Variants in ERC1 observed in about 807,000 individuals in gnomAD.
The protein encoded by ERC1 is RAB6 interacting protein 2.
A neutral mutation model predicts 132.0 loss-of-function variants in ERC1; 56 were observed. The observed-to-expected ratio is 0.42, with a 90% CI of 0.34 to 0.53. The LOEUF (loss-of-function observed/expected upper bound fraction) is 0.53. Ranked by LOEUF, ERC1 falls within the 20% of genes least tolerant of loss-of-function variation. The probability of loss-of-function intolerance (pLI) is 0.03; values close to 1 mark genes in which losing one functional copy is unlikely to be tolerated. For missense variants in ERC1, 1,202 were observed against 1,349.9 expected (o/e 0.89, Z 1.72); for synonymous variants, 478 against 476.1 (o/e 1.00, Z -0.05).
At chr12:1,236,629 A>G in intron 12 of ERC1, 140 bp from the exon 13 acceptor site, 1 of 764,632 alleles carries the variant, frequency 1.3e-6, no homozygotes, top group Non-Finnish European at 2.0e-6. Context: ...CGAATTTGGA[A>G]TTGTTGAAAA....
At chr12:1,250,091 C>T (rs1045295113) in intron 13 of ERC1, among the ~76,000 whole-genome samples, 2 of 152,122 alleles carry the variant, frequency 1.3e-5, no homozygotes, top group Non-Finnish European at 1.5e-5. Flanking sequence ...TTTGGAGCCT[C>T]CTATTAAAGC....
chr12:1,238,979 C>T (rs566522180), intron 13 of ERC1, among the ~76,000 whole-genome samples: 1 of 152,248 alleles, frequency 6.6e-6, no homozygotes, highest in East Asian at 1.9e-4. Context: ...TGGCCATGTG[C>T]AAATTACACA....
chr12:1,322,415 C>G (rs990984222), intron 15 of ERC1, among the ~76,000 whole-genome samples: 5 of 152,078 alleles, frequency 3.3e-5, no homozygotes, highest in Non-Finnish European at 7.4e-5. Flanking sequence ...TTGATTACAG[C>G]TAGATTCTTT....
At chr12:1,024,690 CAGAG>C (rs1380984347) in intron 1 of ERC1, among the ~76,000 whole-genome samples, 1 of 151,580 alleles carries the variant, frequency 6.6e-6, no homozygotes, top group African/African-American at 2.4e-5. Context: ...GCTAGGAAAT[CAGAG>C]AGATCTAGTT....
chr12:1,182,266 G>T (rs1313721164), intron 10 of ERC1, among the ~76,000 whole-genome samples: 2 of 152,172 alleles, frequency 1.3e-5, no homozygotes, highest in African/African-American at 2.4e-5. Flanking sequence ...CATTTTCTAA[G>T]TATTACTCAC....
At chr12:1,230,562 A>G (rs1198605619) in intron 12 of ERC1, among the ~76,000 whole-genome samples, 1 of 152,078 alleles carries the variant, frequency 6.6e-6, no homozygotes, top group Non-Finnish European at 1.5e-5. Flanking sequence ...CTGCTGTTGG[A>G]TGGATGTTTC....
At chr12:1,171,252 T>TTA (rs528883016) in intron 8 of ERC1, among the ~76,000 whole-genome samples, 1 of 152,164 alleles carries the variant, frequency 6.6e-6, no homozygotes, top group South Asian at 2.1e-4. Flanking sequence ...ATTTAAAACA[T>TTA]TGCTTAGAGT....
At chr12:1,458,718 A>T (rs554360349) in intron 18 of ERC1, among the ~76,000 whole-genome samples, 1 of 152,088 alleles carries the variant, frequency 6.6e-6, no homozygotes, top group Non-Finnish European at 1.5e-5. Context: ...TTGTATTTTT[A>T]GTAGAGACAG....
At chr12:1,003,096 C>CAAAAAAAAAAAAAAAAAAAAAAAAAAA (rs59507923) in intron 1 of ERC1, among the ~76,000 whole-genome samples, 2 of 86,922 alleles carry the variant, frequency 2.3e-5, no homozygotes, top group Admixed American at 1.5e-4. Flanking sequence ...ATGAAAAATG[C>CAAAAAAAAAAAAAAAAAAAAAAAAAAA]AAAAAAAAAA....
chr12:1,363,905 A>G (rs1000345857), intron 15 of ERC1, among the ~76,000 whole-genome samples: 1 of 152,074 alleles, frequency 6.6e-6, no homozygotes, highest in African/African-American at 2.4e-5. Flanking sequence ...GTTTCAGGAG[A>G]TAGAGAAACA....
chr12:1,126,293 G>T (rs1476838351), intron 7 of ERC1, among the ~76,000 whole-genome samples: 1 of 152,148 alleles, frequency 6.6e-6, no homozygotes, highest in Non-Finnish European at 1.5e-5. Flanking sequence ...CCTCAGAACA[G>T]TGCGGTAACT....
rs1453938675 is a variant in ERC1, at chr12:1,183,270, CCTT to C, written c.2017-7_2017-5del. ...AAATTATTTATTCTAGATGTGTGTT[CCTT>C]CTTTTAGGCTTCACTTTTGGATCTG... On this transcript the variant is annotated splice_polypyrimidine_tract_variant and splice_region_variant and intron_variant, in intron 10 of 18. Transcript: ENST00000360905. 2 of 1,518,964 alleles carry C rather than the reference CCTT, an allele frequency of 1.3e-6. No individual in the cohort carries two copies. The highest frequency in any genetic ancestry group is 1.8e-4 in the Middle Eastern group (1 of 5,650). The allele number at this position is 1,518,964 out of a possible 1,614,324, so 94.1% of individuals were successfully genotyped here.
chr12:1,084,482 G>C lies in ERC1; in HGVS notation c.1086+902G>C, dbSNP rs542592385. Among the ~76,000 whole-genome samples, 181 of 152,152 alleles carry C rather than the reference G, an allele frequency of 1.2e-3. 2 individuals are homozygous for C. Among genetic ancestry groups the C allele is most frequent in the African/African-American group, 4.2e-3 (173 of 41,508 alleles). ...TCTATAATTTTTCCTTTTGTAAAAA[G>C]TCTGAAATCTTTTTTAACAGTGAGG... On this transcript the variant is annotated intron_variant, in intron 3 of 18. Coordinates refer to ENST00000360905, the MANE Select transcript of ERC1 (RefSeq NM_178040.4).
intron 18 of ERC1, among the ~76,000 whole-genome samples, chr12:1,447,544 CAAAAAA>C (rs374201728): frequency 7.7e-6 from 1 of 129,544 alleles, no homozygotes; most frequent in African/African-American, 3.0e-5. Flanking sequence ...ACAACAACAA[CAAAAAA>C]AAAAAAACCC....
chr12:1,454,721 C>T (rs2093494096), intron 18 of ERC1, among the ~76,000 whole-genome samples: 1 of 152,174 alleles, frequency 6.6e-6, no homozygotes, highest in Non-Finnish European at 1.5e-5. Flanking sequence ...GGCACAGCCA[C>T]CATCCTAAAT....
At chr12:1,162,632 A>G (rs1037798380) in intron 8 of ERC1, among the ~76,000 whole-genome samples, 2 of 151,970 alleles carry the variant, frequency 1.3e-5, no homozygotes, top group Non-Finnish European at 2.9e-5. Context: ...CACTTTTTCC[A>G]TATCATAAAA....
intron 15 of ERC1, among the ~76,000 whole-genome samples, chr12:1,345,238 T>C (rs2084335989): frequency 7.0e-6 from 1 of 143,124 alleles, no homozygotes; most frequent in Non-Finnish European, 1.5e-5. Flanking sequence ...TGGAGTGCAG[T>C]GGCGTGATCT....
intron 2 of ERC1, among the ~76,000 whole-genome samples, chr12:1,042,355 TTC>T (rs1555212777): frequency 0.061 from 8,606 of 142,240 alleles, 346 homozygotes; most frequent in South Asian, 0.14. Context: ...TTTTTTTTTT[TTC>T]TTTTTTTGAA....
intron 2 of ERC1, among the ~76,000 whole-genome samples, chr12:1,060,910 G>A (rs376664508): frequency 4.6e-5 from 7 of 151,830 alleles, no homozygotes; most frequent in African/African-American, 1.7e-4. Context: ...TGCATTTTTA[G>A]TAGAACGAGG....
Sources: allele counts gnomAD v4.1 joint callset (sites outside exome capture counted in the v4.1 genomes callset), GRCh38; gene constraint gnomAD v4.1.1; transcripts MANE v1.5; gene names NCBI Gene and HGNC (gene_info 2026-07-23, HGNC 2026-07-21).